Variants in GALNTL6 observed in about 807,000 individuals in gnomAD.
GALNTL6 encodes the protein polypeptide N-acetylgalactosaminyltransferase like 6.
A neutral mutation model predicts 73.7 loss-of-function variants in GALNTL6; 46 were observed. The observed-to-expected ratio is 0.62, with a 90% CI of 0.49 to 0.80. The LOEUF (loss-of-function observed/expected upper bound fraction) is 0.80, where lower values mean the gene tolerates loss of function less well. Among genes scored for constraint, GALNTL6 ranks in the 30% least tolerant of loss-of-function variants. The pLI is 0.00. For missense variants in GALNTL6, 604 were observed against 755.0 expected, an observed-to-expected ratio of 0.80 and a Z score of 2.34; for synonymous variants, 259 against 263.7, an observed-to-expected ratio of 0.98 and a Z score of 0.17.
intron 2 of GALNTL6, among the ~76,000 whole-genome samples, chr4:172,050,171 C>G (rs909292622): frequency 6.6e-6 from 1 of 152,148 alleles, no homozygotes; most frequent in African/African-American, 2.4e-5. Context: ...TGTTATCAAA[C>G]TAAACTGGCG....
rs1013278927 is a variant in GALNTL6 at position 172,963,592 on chromosome 4, G to A, written c.1371+11334G>A. ...AATGAATGAAAGATGAATGAATGGG[G>A]GATCCTGGCTCCCTGTTGTCCCACC... On this transcript the variant is annotated intron_variant, in intron 10 of 12. Coordinates refer to ENST00000506823, the MANE Select transcript of GALNTL6 (RefSeq NM_001034845.3). Among the ~76,000 whole-genome samples, 84 of 152,078 alleles carry A rather than the reference G, an allele frequency of 5.5e-4. 1 individual carries two copies. The highest frequency in any genetic ancestry group is 4.4e-5 in the Non-Finnish European group (3 of 68,020).
chr4:171,908,660 C>G (rs1375833743), intron 2 of GALNTL6, among the ~76,000 whole-genome samples: 6 of 150,758 alleles, frequency 4.0e-5, no homozygotes, highest in Non-Finnish European at 5.9e-5. Flanking sequence ...ACCCAAAGGA[C>G]TATAAATCAT....
At chr4:172,842,645 C>T (rs1743273139) in intron 7 of GALNTL6, among the ~76,000 whole-genome samples, 1 of 151,544 alleles carries the variant, frequency 6.6e-6, no homozygotes, top group African/African-American at 2.4e-5. Flanking sequence ...GGCCTTTGGC[C>T]CATGAGTAAT....
At chr4:171,967,456 T>TGTTTGTTTTTG (rs1560863203) in intron 2 of GALNTL6, among the ~76,000 whole-genome samples, 1 of 140,708 alleles carries the variant, frequency 7.1e-6, no homozygotes, top group African/African-American at 2.5e-5. Context: ...GGTTTTTTTT[T>TGTTTGTTTTTG]TTTTTTTTTG....
At chr4:172,699,729 A>C (rs1470697621) in intron 5 of GALNTL6, among the ~76,000 whole-genome samples, 1 of 152,206 alleles carries the variant, frequency 6.6e-6, no homozygotes, top group African/African-American at 2.4e-5. Flanking sequence ...TGCTATGAGC[A>C]TGTGAAAGAG....
At chr4:172,017,013 A>T (rs951644030) in intron 2 of GALNTL6, among the ~76,000 whole-genome samples, 2 of 151,818 alleles carry the variant, frequency 1.3e-5, no homozygotes, top group African/African-American at 4.8e-5. Flanking sequence ...TATTTACTTA[A>T]TTTTTTCCTG....
At chr4:172,397,986 T>C (rs1179651985) in intron 5 of GALNTL6, among the ~76,000 whole-genome samples, 1 of 152,168 alleles carries the variant, frequency 6.6e-6, no homozygotes, top group Non-Finnish European at 1.5e-5. Flanking sequence ...TTTGGATTCT[T>C]TATTATTCTT....
intron 3 of GALNTL6, among the ~76,000 whole-genome samples, chr4:172,297,322 G>A (rs1236540104): frequency 6.6e-6 from 1 of 151,942 alleles, no homozygotes; most frequent in Non-Finnish European, 1.5e-5. Flanking sequence ...TCACTCTGAT[G>A]GTAGATTCTT....
intron 2 of GALNTL6, among the ~76,000 whole-genome samples, chr4:171,835,572 T>A (rs982760444): frequency 6.6e-6 from 1 of 152,020 alleles, no homozygotes; most frequent in Non-Finnish European, 1.5e-5. Context: ...TTTATAGTGG[T>A]CGAGATCATT....
intron 3 of GALNTL6, among the ~76,000 whole-genome samples, chr4:172,287,312 A>C (rs1579335097): frequency 1.3e-5 from 2 of 152,286 alleles, no homozygotes; most frequent in East Asian, 3.9e-4. Context: ...AACTAGGGCT[A>C]CCAACCACAG....
At chr4:172,034,862 G>T (rs1022518040) in intron 2 of GALNTL6, among the ~76,000 whole-genome samples, 8 of 151,990 alleles carry the variant, frequency 5.3e-5, no homozygotes, top group African/African-American at 1.7e-4. Context: ...TAAAGGAAAA[G>T]GAATTTTATG....
At chr4:172,451,898 C>T (rs1732226617) in intron 5 of GALNTL6, among the ~76,000 whole-genome samples, 1 of 152,062 alleles carries the variant, frequency 6.6e-6, no homozygotes, top group Non-Finnish European at 1.5e-5. Flanking sequence ...GTAGTCCTAG[C>T]TGCTCGAGAG....
At chr4:172,024,620 A>C (rs1168235647) in intron 2 of GALNTL6, among the ~76,000 whole-genome samples, 2 of 151,938 alleles carry the variant, frequency 1.3e-5, no homozygotes, top group Non-Finnish European at 1.5e-5. Flanking sequence ...ATTTGGAGTA[A>C]TTAGTACCCA....
At chr4:171,991,764 A>G (rs1220272557) in intron 2 of GALNTL6, among the ~76,000 whole-genome samples, 1 of 148,096 alleles carries the variant, frequency 6.8e-6, no homozygotes, top group East Asian at 2.0e-4. Flanking sequence ...ATACACATAT[A>G]TATACATATA....
At chr4:172,890,808 T>G in intron 8 of GALNTL6, among the ~76,000 whole-genome samples, 1 of 152,150 alleles carries the variant, frequency 6.6e-6, no homozygotes, top group East Asian at 1.9e-4. Context: ...TAGTCCCTAT[T>G]ATTGTGTGGC....
At chr4:172,269,908 T>C (rs1297198337) in intron 3 of GALNTL6, among the ~76,000 whole-genome samples, 1 of 152,006 alleles carries the variant, frequency 6.6e-6, no homozygotes, top group Non-Finnish European at 1.5e-5. Context: ...CCTGCCACCA[T>C]GGCCAGCTAA....
intron 9 of GALNTL6, among the ~76,000 whole-genome samples, chr4:172,950,160 TC>T (rs964509038): frequency 3.9e-5 from 6 of 152,208 alleles, no homozygotes; most frequent in African/African-American, 1.4e-4. Flanking sequence ...ATCAGGCAAT[TC>T]CGAATTGGTG....
intron 5 of GALNTL6, among the ~76,000 whole-genome samples, chr4:172,808,528 G>T (rs2110983131): frequency 6.6e-6 from 1 of 152,198 alleles, no homozygotes; most frequent in South Asian, 2.1e-4. Context: ...TCTTAGATAG[G>T]GCAGAATGAA....
At chr4:172,047,132 C>A (rs556643976) in intron 2 of GALNTL6, among the ~76,000 whole-genome samples, 25 of 152,198 alleles carry the variant, frequency 1.6e-4, no homozygotes, top group African/African-American at 5.5e-4. Flanking sequence ...TTGAAACTTG[C>A]GCTCACTTCC....
Sources: gnomAD v4.1 joint callset for allele counts (sites outside exome capture counted in the v4.1 genomes callset) on GRCh38, gnomAD v4.1.1 for gene constraint, MANE v1.5 for transcripts, NCBI Gene and HGNC (gene_info 2026-07-23, HGNC 2026-07-21) for gene names.